Variants in NTNG1 observed in about 807,000 individuals in gnomAD.
NTNG1 encodes the protein netrin G1, also known as netrin-G1.
NTNG1 carries 16 observed loss-of-function variants against 54.0 expected under a neutral mutation model. The observed-to-expected ratio is 0.30, with a 90% CI of 0.20 to 0.45. NTNG1 has a LOEUF of 0.45. Among genes scored for constraint, NTNG1 ranks in the 20% least tolerant of loss-of-function variants. The pLI is 1.00. For synonymous variants in NTNG1, 255 were observed against 263.1 expected (o/e 0.97, Z 0.30); for missense variants, 530 against 678.7 (o/e 0.78, Z 2.43).
intron 2 of NTNG1, among the ~76,000 whole-genome samples, chr1:107,313,209 T>C (rs1463793142): frequency 6.6e-6 from 1 of 152,178 alleles, no homozygotes; most frequent in Non-Finnish European, 1.5e-5. Flanking sequence ...AGGGCAGTTA[T>C]TTTATAGAAT....
intron 6 of NTNG1, among the ~76,000 whole-genome samples, chr1:107,432,961 A>G (rs538983872): frequency 1.3e-5 from 2 of 152,286 alleles, no homozygotes; most frequent in South Asian, 2.1e-4. Context: ...TTGTAAATCC[A>G]TATTTGATTA....
chr1:107,148,434 A>T lies in NTNG1; in HGVS notation c.-160A>T. Reference sequence around the variant, plus strand: ...TTAACTCTTCATATTTGGTTTTGGGATCTGCTTTGAGGTCCCATCTTCATT... The same window carrying T: ...TTAACTCTTCATATTTGGTTTTGGGTTCTGCTTTGAGGTCCCATCTTCATT... On this transcript the variant is annotated 5_prime_UTR_variant, in exon 2 of 8. Transcript: ENST00000370068. 1 of 646,562 alleles carries T rather than the reference A, an allele frequency of 1.5e-6. No homozygotes were observed. Among genetic ancestry groups the T allele is most frequent in the Non-Finnish European group, 2.7e-6 (1 of 373,932 alleles). 40.1% of individuals were successfully genotyped at this position (646,562 alleles called of 1,614,324 possible).
At chr1:107,408,031 C>T in intron 5 of NTNG1, 3 of 469,008 alleles carry the variant, frequency 6.4e-6, no homozygotes, top group Non-Finnish European at 4.1e-6. Flanking sequence ...TTTATCCATA[C>T]TTAGCAACCA....
intron 3 of NTNG1, among the ~76,000 whole-genome samples, chr1:107,369,254 T>C (rs1670778617): frequency 6.6e-6 from 1 of 152,170 alleles, no homozygotes; most frequent in Admixed American, 6.5e-5. Flanking sequence ...TTCTTTGAGG[T>C]AAATACCCAG....
intron 4 of NTNG1, among the ~76,000 whole-genome samples, chr1:107,402,554 A>G (rs1046646472): frequency 6.6e-6 from 1 of 152,092 alleles, no homozygotes; most frequent in Non-Finnish European, 1.5e-5. Context: ...CTACTGCTAT[A>G]AGATGACTGT....
At chr1:107,360,476 A>T (rs923294008) in intron 3 of NTNG1, among the ~76,000 whole-genome samples, 3 of 152,192 alleles carry the variant, frequency 2.0e-5, no homozygotes, top group Non-Finnish European at 2.9e-5. Flanking sequence ...GATAGAAATT[A>T]AGGTAGGAGA....
At chr1:107,256,507 A>G (rs1557847999) in intron 2 of NTNG1, among the ~76,000 whole-genome samples, 1 of 152,248 alleles carries the variant, frequency 6.6e-6, no homozygotes, top group Non-Finnish European at 1.5e-5. Flanking sequence ...CAAAGGAGCA[A>G]GCAATTAACA....
At chr1:107,211,269 A>G (rs922526647) in intron 2 of NTNG1, among the ~76,000 whole-genome samples, 1 of 152,100 alleles carries the variant, frequency 6.6e-6, no homozygotes, top group Non-Finnish European at 1.5e-5. Context: ...CATACATCCT[A>G]TAAGATGCAG....
intron 6 of NTNG1, among the ~76,000 whole-genome samples, 195 bp from the exon 7 acceptor site, chr1:107,436,470 T>C (rs1675602846): frequency 6.6e-6 from 1 of 152,224 alleles, no homozygotes; most frequent in South Asian, 2.1e-4. Context: ...TTTCCTCCCA[T>C]ATCATAAAAA....
intron 2 of NTNG1, among the ~76,000 whole-genome samples, chr1:107,181,741 G>T (rs924199490): frequency 8.5e-5 from 13 of 152,076 alleles, no homozygotes; most frequent in African/African-American, 3.1e-4. Context: ...GGGCTCCAAG[G>T]CTCTCTCATT....
intron 2 of NTNG1, among the ~76,000 whole-genome samples, chr1:107,288,539 C>G (rs116693888): frequency 6.6e-6 from 1 of 152,014 alleles, no homozygotes; most frequent in African/African-American, 2.4e-5. Flanking sequence ...GGAAGATAAT[C>G]AAATAGAGGT....
At chr1:107,142,440 A>C (rs1653799651) in intron 1 of NTNG1, among the ~76,000 whole-genome samples, 1 of 152,034 alleles carries the variant, frequency 6.6e-6, no homozygotes, top group Admixed American at 6.6e-5. Flanking sequence ...CTATAGTTGC[A>C]TCAGGTACAG....
chr1:107,401,546 T>C (rs1673039648), intron 4 of NTNG1, among the ~76,000 whole-genome samples: 1 of 152,146 alleles, frequency 6.6e-6, no homozygotes, highest in African/African-American at 2.4e-5. Context: ...ACAGCAAACA[T>C]GATTATTCTC....
intron 2 of NTNG1, among the ~76,000 whole-genome samples, chr1:107,257,006 T>C (rs181715283): frequency 1.2e-3 from 182 of 152,328 alleles, no homozygotes; most frequent in African/African-American, 4.3e-3. Flanking sequence ...TGGAGATTTT[T>C]CTTTCTGGTC....
At position 107,385,230 on chromosome 1, in the gene NTNG1, T is replaced by C. The variant is rs545023219; in HGVS notation, c.888-9924T>C. Reference sequence around the variant, plus strand: ...CTGGGATCGTGGCCTCTGCTCCATATACCCACTTTGACACACGTTCCCTAA... The same window carrying C: ...CTGGGATCGTGGCCTCTGCTCCATACACCCACTTTGACACACGTTCCCTAA... On this transcript the variant is annotated intron_variant, in intron 3 of 7. Coordinates refer to ENST00000370068, the MANE Select transcript of NTNG1 (RefSeq NM_001113226.3). 3.3e-5 allele frequency among the ~76,000 whole-genome samples: 5 copies of C among 152,300 alleles called. No individual in the cohort carries two copies. In the South Asian group the frequency reaches 1.0e-3, roughly 32 times the overall value.
At chr1:107,203,962 A>G (rs1403280466) in intron 2 of NTNG1, among the ~76,000 whole-genome samples, 1 of 152,058 alleles carries the variant, frequency 6.6e-6, no homozygotes, top group East Asian at 1.9e-4. Context: ...TTAAAAAATT[A>G]AACCTTTATT....
chr1:107,184,211 T>G (rs1428493325), intron 2 of NTNG1, among the ~76,000 whole-genome samples: 1 of 152,112 alleles, frequency 6.6e-6, no homozygotes, highest in African/African-American at 2.4e-5. Context: ...GCATGGCTCC[T>G]CTTAATTTCT....
chr1:107,216,164 C>T (rs1195265925), intron 2 of NTNG1, among the ~76,000 whole-genome samples: 1 of 152,128 alleles, frequency 6.6e-6, no homozygotes, highest in Non-Finnish European at 1.5e-5. Flanking sequence ...GTTGCTCTGG[C>T]TAGGACTTCC....
intron 2 of NTNG1, among the ~76,000 whole-genome samples, chr1:107,313,868 CATGTTATTAA>C (rs1667173423): frequency 6.6e-6 from 1 of 152,088 alleles, no homozygotes; most frequent in South Asian, 2.1e-4. Flanking sequence ...CTGCTCCTCT[CATGTTATTAA>C]ATTCACTATT....
Sources: gnomAD v4.1 joint callset for allele counts (sites outside exome capture counted in the v4.1 genomes callset) on GRCh38, gnomAD v4.1.1 for gene constraint, MANE v1.5 for transcripts, NCBI Gene and HGNC (gene_info 2026-07-23, HGNC 2026-07-21) for gene names.